RFX3: variants seen among roughly 807,000 people sequenced by gnomAD.
The protein encoded by RFX3 is transcription factor RFX3.
A neutral mutation model predicts 98.6 loss-of-function variants in RFX3; 14 were observed. The observed-to-expected ratio is 0.14, with a 90% CI of 0.09 to 0.22. RFX3 has a LOEUF of 0.22. Among genes scored for constraint, RFX3 ranks in the 10% least tolerant of loss-of-function variants. The probability of loss-of-function intolerance (pLI) is 1.00; values close to 1 mark genes in which losing one functional copy is unlikely to be tolerated. For missense variants in RFX3, 639 were observed against 926.9 expected (o/e 0.69, Z 4.03); for synonymous variants, 383 against 328.4 (o/e 1.17, Z -1.80).
chr9:3,382,695 C>A (rs890439447), intron 2 of RFX3, among the ~76,000 whole-genome samples: 5 of 152,034 alleles, frequency 3.3e-5, no homozygotes, highest in African/African-American at 9.7e-5. Flanking sequence ...CTTTAGAGTA[C>A]CTGTAATTCT....
chr9:3,298,445 A>G (rs549626194), intron 5 of RFX3, among the ~76,000 whole-genome samples: 1 of 151,898 alleles, frequency 6.6e-6, no homozygotes, highest in Non-Finnish European at 1.5e-5. Flanking sequence ...TGAAGGTAAC[A>G]TAAGGCCTGA....
chr9:3,407,887 G>A (rs1842101036), intron 1 of RFX3, among the ~76,000 whole-genome samples: 1 of 152,116 alleles, frequency 6.6e-6, no homozygotes, highest in African/African-American at 2.4e-5. Context: ...CTCTGCTGAA[G>A]CATCAATACA....
At chr9:3,474,465 A>G (rs1435191695) in intron 1 of RFX3, among the ~76,000 whole-genome samples, 1 of 152,232 alleles carries the variant, frequency 6.6e-6, no homozygotes, top group Non-Finnish European at 1.5e-5. Context: ...TGCAAGAAGG[A>G]AATTCCGTGA....
Position 3,500,098 on chromosome 9 carries a change from G to A in RFX3, c.-9+25649C>T, listed in dbSNP as rs181687773. Among the ~76,000 whole-genome samples the A allele has an allele frequency of 9.2e-5, 14 of 152,132 alleles. No individual in the cohort carries two copies. In the East Asian group the frequency reaches 2.1e-3, roughly 23 times the overall value. On this transcript the variant is annotated intron_variant, in intron 1 of 16. Coordinates refer to ENST00000617270, the MANE Select transcript of RFX3 (RefSeq NM_001282116.2). ...AAAGTACCCCAGAGCAACAAACAGA[G>A]GAATGTGGAACAACTATCCAAAAAA...
chr9:3,369,930 G>A (rs964268537), intron 2 of RFX3, among the ~76,000 whole-genome samples: 2 of 151,308 alleles, frequency 1.3e-5, no homozygotes, highest in Non-Finnish European at 3.0e-5. Context: ...TCGGGTTCCC[G>A]CCATTCTCCT....
intron 2 of RFX3, among the ~76,000 whole-genome samples, chr9:3,365,506 T>C (rs1836956783): frequency 6.6e-6 from 1 of 152,146 alleles, no homozygotes; most frequent in Non-Finnish European, 1.5e-5. Flanking sequence ...GCTGTTTCAT[T>C]GTATCAACTT....
At chr9:3,475,254 G>A (rs541998675) in intron 1 of RFX3, among the ~76,000 whole-genome samples, 5 of 152,102 alleles carry the variant, frequency 3.3e-5, no homozygotes, top group African/African-American at 7.2e-5. Flanking sequence ...TTTTCTCCCC[G>A]TGTGCAGAGA....
intron 4 of RFX3, among the ~76,000 whole-genome samples, chr9:3,316,040 C>G (rs1256182899): frequency 6.6e-6 from 1 of 152,120 alleles, no homozygotes; most frequent in East Asian, 1.9e-4. Flanking sequence ...CCAACATCAT[C>G]CTGATACCAA....
intron 2 of RFX3, among the ~76,000 whole-genome samples, chr9:3,359,159 AT>A (rs911395010): frequency 1.4e-4 from 22 of 151,876 alleles, no homozygotes; most frequent in Admixed American, 1.2e-3. Context: ...TTGAGAAGGG[AT>A]TTTTTTCAAA....
chr9:3,301,806 A>G (rs564000902), intron 4 of RFX3, among the ~76,000 whole-genome samples, 186 bp from the exon 5 acceptor site: 10 of 151,988 alleles, frequency 6.6e-5, no homozygotes, highest in African/African-American at 1.9e-4. Flanking sequence ...AAATATGCAC[A>G]CTAATAATAA....
At chr9:3,261,665 G>A (rs494348) in intron 13 of RFX3, among the ~76,000 whole-genome samples, 108,342 of 152,002 alleles carry the variant, frequency 0.71, 43,076 homozygotes, top group East Asian at 0.9. Flanking sequence ...ATACAACAAG[G>A]AGTTGAACTG....
intron 1 of RFX3, among the ~76,000 whole-genome samples, chr9:3,523,076 G>T (rs371670668): frequency 2.0e-4 from 31 of 152,196 alleles, no homozygotes; most frequent in African/African-American, 7.5e-4. Flanking sequence ...CCATATATGT[G>T]TATATGTATG....
chr9:3,326,267 G>GT (rs1215691200), intron 4 of RFX3, among the ~76,000 whole-genome samples: 2 of 152,034 alleles, frequency 1.3e-5, no homozygotes, highest in Admixed American at 1.3e-4. Flanking sequence ...AGTATTAGTA[G>GT]TTGATATAAT....
chr9:3,484,509 G>T (rs572154499), intron 1 of RFX3, among the ~76,000 whole-genome samples: 11 of 152,278 alleles, frequency 7.2e-5, no homozygotes, highest in Admixed American at 4.6e-4. Flanking sequence ...ACCATAAATT[G>T]CAAGAAAATA....
At chr9:3,264,109 T>C (rs1823296614) in intron 12 of RFX3, among the ~76,000 whole-genome samples, 1 of 152,138 alleles carries the variant, frequency 6.6e-6, no homozygotes, top group South Asian at 2.1e-4. Context: ...AATAAACTCT[T>C]CTTAAACTCT....
intron 2 of RFX3, among the ~76,000 whole-genome samples, chr9:3,387,683 C>G (rs1839866314): frequency 6.6e-6 from 1 of 151,574 alleles, no homozygotes; most frequent in African/African-American, 2.4e-5. Context: ...ATAACTCAAT[C>G]TTTCAGGATG....
chr9:3,353,799 G>T (rs578013843), intron 2 of RFX3, among the ~76,000 whole-genome samples: 1 of 151,886 alleles, frequency 6.6e-6, no homozygotes, highest in Non-Finnish European at 1.5e-5. Flanking sequence ...AACAAAATTA[G>T]ACATATAAAG....
chr9:3,288,382 T>C (rs1211386038), intron 6 of RFX3, 132 bp from the exon 7 acceptor site: 6 of 674,714 alleles, frequency 8.9e-6, no homozygotes, highest in Admixed American at 2.6e-5. Context: ...TATTTATGAT[T>C]AACCTGTTCT....
At chr9:3,277,659 G>A (rs1352405552) in intron 7 of RFX3, among the ~76,000 whole-genome samples, 198 bp from the exon 8 acceptor site, 3 of 151,820 alleles carry the variant, frequency 2.0e-5, no homozygotes, top group African/African-American at 7.3e-5. Flanking sequence ...AAGGGGAGAA[G>A]GGATGCATGA....
Sources: gnomAD v4.1 joint callset for allele counts (sites outside exome capture counted in the v4.1 genomes callset) on GRCh38, gnomAD v4.1.1 for gene constraint, MANE v1.5 for transcripts, NCBI Gene and HGNC (gene_info 2026-07-23, HGNC 2026-07-21) for gene names.